Variants in ENOX1 observed in about 807,000 individuals in gnomAD.
ENOX1 encodes the protein ecto-NOX disulfide-thiol exchanger 1.
A neutral mutation model predicts 82.5 loss-of-function variants in ENOX1; 42 were observed. The observed-to-expected ratio is 0.51, with a 90% confidence interval of 0.40 to 0.66. ENOX1 has a LOEUF of 0.66. Among genes scored for constraint, ENOX1 ranks in the 30% least tolerant of loss-of-function variants. The pLI is 0.00. For synonymous variants in ENOX1, 271 were observed against 282.2 expected (o/e 0.96, Z 0.40); for missense variants, 608 against 811.6 (o/e 0.75, Z 3.05).
intron 2 of ENOX1, among the ~76,000 whole-genome samples, chr13:43,549,908 A>C (rs2079118851): frequency 6.6e-6 from 1 of 152,218 alleles, no homozygotes. Context: ...AGGCTCTAAG[A>C]CAGCGGCTGC....
chr13:43,312,173 T>C (rs563818667), intron 11 of ENOX1, among the ~76,000 whole-genome samples: 51 of 152,152 alleles, frequency 3.4e-4, no homozygotes, highest in Non-Finnish European at 6.3e-4. Context: ...ATTTAGGACA[T>C]TGGGGGAAGG....
At chr13:43,391,842 T>C (rs572073299) in intron 5 of ENOX1, among the ~76,000 whole-genome samples, 4 of 152,302 alleles carry the variant, frequency 2.6e-5, no homozygotes, top group Admixed American at 2.0e-4. Flanking sequence ...AATTCAATCA[T>C]AGAATCCCTC....
At chr13:43,284,475 TCTGA>T (rs1439942000) in intron 12 of ENOX1, among the ~76,000 whole-genome samples, 2 of 152,142 alleles carry the variant, frequency 1.3e-5, no homozygotes, top group Non-Finnish European at 2.9e-5. Flanking sequence ...CGAAAGCCAC[TCTGA>T]CTGAATCTGA....
At chr13:43,527,320 T>C (rs1463589097) in intron 2 of ENOX1, among the ~76,000 whole-genome samples, 2 of 152,102 alleles carry the variant, frequency 1.3e-5, no homozygotes, top group Non-Finnish European at 2.9e-5. Context: ...TCATACTGTG[T>C]GCTTCATATT....
intron 5 of ENOX1, among the ~76,000 whole-genome samples, chr13:43,399,869 C>T (rs961833634): frequency 1.3e-5 from 2 of 152,112 alleles, no homozygotes; most frequent in African/African-American, 4.8e-5. Context: ...TCTGTCCTTG[C>T]ACTTTCCCAT....
intron 2 of ENOX1, among the ~76,000 whole-genome samples, chr13:43,634,043 T>C (rs2083322250): frequency 6.6e-6 from 1 of 152,206 alleles, no homozygotes; most frequent in Non-Finnish European, 1.5e-5. Flanking sequence ...TTTGTGTGTC[T>C]GTATGTTTAT....
chr13:43,543,117 G>A (rs915693686), intron 2 of ENOX1, among the ~76,000 whole-genome samples: 3 of 152,136 alleles, frequency 2.0e-5, no homozygotes, highest in Non-Finnish European at 2.9e-5. Flanking sequence ...AGGGGAGTAT[G>A]TATGTTACAC....
At chr13:43,327,881 C>T (rs2048204130) in intron 9 of ENOX1, among the ~76,000 whole-genome samples, 1 of 152,330 alleles carries the variant, frequency 6.6e-6, no homozygotes, top group African/African-American at 2.4e-5. Context: ...ACAACTACTT[C>T]TCAATCTATG....
chr13:43,227,069 G>A (rs1373179298), intron 15 of ENOX1, among the ~76,000 whole-genome samples: 3 of 152,210 alleles, frequency 2.0e-5, no homozygotes, highest in Non-Finnish European at 4.4e-5. Flanking sequence ...GTCCATAGGT[G>A]TATGGTTATC....
At chr13:43,369,780 C>G (rs905778392) in intron 5 of ENOX1, among the ~76,000 whole-genome samples, 1 of 152,212 alleles carries the variant, frequency 6.6e-6, no homozygotes, top group South Asian at 2.1e-4. Context: ...AATTCACCAG[C>G]AAATTTCTTC....
intron 3 of ENOX1, among the ~76,000 whole-genome samples, chr13:43,449,797 G>A (rs185736092): frequency 1.7e-3 from 255 of 151,986 alleles, no homozygotes; most frequent in African/African-American, 5.9e-3. Context: ...TTCTACAACC[G>A]AAGAGACAAG....
Position 43,658,215 on chromosome 13 carries a change from A to G in ENOX1, c.-219+9264T>C, listed in dbSNP as rs73186121. On this transcript the variant is annotated intron_variant, in intron 2 of 16. Coordinates refer to ENST00000690772, the MANE Select transcript of ENOX1 (RefSeq NM_001347969.2). Reference sequence around the variant, plus strand: ...TTATTTGAAGTTTTATATCTACTTAATATTCTACAAATGAATGTCTCCAGC... The same window carrying G: ...TTATTTGAAGTTTTATATCTACTTAGTATTCTACAAATGAATGTCTCCAGC... Among the ~76,000 whole-genome samples the G allele has an allele frequency of 2.8e-3, 421 of 152,350 alleles. 2 individuals are homozygous for G. Among genetic ancestry groups the G allele is most frequent in the Non-Finnish European group, 4.6e-3 (311 of 68,026 alleles).
intron 3 of ENOX1, among the ~76,000 whole-genome samples, chr13:43,434,106 G>A (rs930582070): frequency 6.6e-6 from 1 of 152,212 alleles, no homozygotes; most frequent in Non-Finnish European, 1.5e-5. Context: ...TCTTCATGCA[G>A]TTCAGATTCA....
rs137889088 is a variant in ENOX1, at chr13:43,230,385, G to A, written c.1715-6247C>T. ...GGAATCCTGCTTTGGACAGGGGCAG[G>A]AAATGGACTGTTGCTGGAAAGGGGT... On this transcript the variant is annotated intron_variant, in intron 15 of 16. Transcript: ENST00000690772. Among the ~76,000 whole-genome samples the A allele has an allele frequency of 4.5e-4, 68 of 152,246 alleles. 1 individual carries two copies. Among genetic ancestry groups the A allele is most frequent in the African/African-American group, 1.6e-3 (66 of 41,532 alleles).
At chr13:43,651,053 T>C (rs9525817) in intron 2 of ENOX1, among the ~76,000 whole-genome samples, 33,532 of 152,116 alleles carry the variant, frequency 0.22, 4,575 homozygotes, top group Non-Finnish European at 0.32. Flanking sequence ...TATGTAAATC[T>C]AGCATGTGGC....
At chr13:43,385,910 A>T (rs887935468) in intron 5 of ENOX1, among the ~76,000 whole-genome samples, 99 of 152,158 alleles carry the variant, frequency 6.5e-4, no homozygotes, top group Non-Finnish European at 1.3e-3. Context: ...CCATACCTGT[A>T]ATCCCAGCAC....
chr13:43,354,546 A>T (rs1566586447), intron 8 of ENOX1, among the ~76,000 whole-genome samples: 3 of 149,444 alleles, frequency 2.0e-5, no homozygotes. Context: ...CTTTTCATAC[A>T]TTTTTTTTAG....
At chr13:43,489,533 A>G (rs1055740141) in intron 2 of ENOX1, among the ~76,000 whole-genome samples, 1 of 152,138 alleles carries the variant, frequency 6.6e-6, no homozygotes, top group Non-Finnish European at 1.5e-5. Context: ...TCACTAGTGC[A>G]ATGACTAGTG....
chr13:43,345,846 T>C (rs1245322008), intron 8 of ENOX1, among the ~76,000 whole-genome samples: 1 of 152,106 alleles, frequency 6.6e-6, no homozygotes, highest in Non-Finnish European at 1.5e-5. Flanking sequence ...AAAATTAGAT[T>C]GAAAGATTCA....
Sources: gnomAD v4.1 joint callset for allele counts (sites outside exome capture counted in the v4.1 genomes callset) on GRCh38, gnomAD v4.1.1 for gene constraint, MANE v1.5 for transcripts, NCBI Gene and HGNC (gene_info 2026-07-23, HGNC 2026-07-21) for gene names.